PXDNL: variants seen among roughly 807,000 people sequenced by gnomAD.
PXDNL encodes the protein peroxidasin like, also known as probable oxidoreductase PXDNL.
In PXDNL, 145 loss-of-function variants were observed where a neutral mutation model predicts 150.8. The ratio of observed to expected loss-of-function variants is 0.96; its 90% CI spans 0.84 to 1.10. PXDNL has a LOEUF of 1.10. PXDNL is among the 50% of genes least tolerant of loss of function. The probability of loss-of-function intolerance (pLI) is 0.00; values close to 1 mark genes in which losing one functional copy is unlikely to be tolerated. For missense variants in PXDNL, 2,087 were observed against 1,873.9 expected (o/e 1.11, Z -2.10); for synonymous variants, 757 against 725.7 (o/e 1.04, Z -0.69).
chr8:51,672,141 T>C (rs1386724810), intron 1 of PXDNL, among the ~76,000 whole-genome samples: 2 of 151,948 alleles, frequency 1.3e-5, no homozygotes, highest in African/African-American at 2.4e-5. Flanking sequence ...ACCACCACAC[T>C]CAGCTAATTT....
chr8:51,392,955 CACTT>C (rs757162583), intron 17 of PXDNL, among the ~76,000 whole-genome samples: 1 of 152,132 alleles, frequency 6.6e-6, no homozygotes, highest in Non-Finnish European at 1.5e-5. Context: ...GGAGTAGTCT[CACTT>C]ACAGCCATTT....
At chr8:51,335,944 A>G (rs1387505885) in intron 21 of PXDNL, among the ~76,000 whole-genome samples, 1 of 152,176 alleles carries the variant, frequency 6.6e-6, no homozygotes, top group Non-Finnish European at 1.5e-5. Flanking sequence ...TGATAAATCA[A>G]GACCAAAAAT....
At chr8:51,740,792 G>T (rs1170054914) in intron 1 of PXDNL, among the ~76,000 whole-genome samples, 1 of 151,950 alleles carries the variant, frequency 6.6e-6, no homozygotes, top group African/African-American at 2.4e-5. Flanking sequence ...AACCAGTCTT[G>T]CATCCCGGTG....
At chr8:51,792,530 C>T (rs146879268) in intron 1 of PXDNL, among the ~76,000 whole-genome samples, 7 of 152,332 alleles carry the variant, frequency 4.6e-5, no homozygotes, top group African/African-American at 1.7e-4. Flanking sequence ...ACCGAATTCC[C>T]GGCAGGAGAG....
At chr8:51,696,835 A>G in intron 1 of PXDNL, among the ~76,000 whole-genome samples, 1 of 136 alleles carries the variant, frequency 7.4e-3, no homozygotes, top group African/African-American at 0.026. Context: ...ACACACACAC[A>G]CACAGGTCCT....
intron 15 of PXDNL, among the ~76,000 whole-genome samples, chr8:51,412,775 T>G (rs1292030347): frequency 6.6e-6 from 1 of 152,198 alleles, no homozygotes; most frequent in Non-Finnish European, 1.5e-5. Flanking sequence ...ACATAATGTT[T>G]GTCGTAGGCT....
chr8:51,803,342 C>T (rs181959032), intron 1 of PXDNL, among the ~76,000 whole-genome samples: 1 of 152,292 alleles, frequency 6.6e-6, no homozygotes, highest in African/African-American at 2.4e-5. Flanking sequence ...TCACATCCTT[C>T]CTCTTCCCAC....
intron 4 of PXDNL, among the ~76,000 whole-genome samples, chr8:51,513,677 GGCAT>G (rs1443179532): frequency 6.6e-6 from 1 of 152,006 alleles, no homozygotes; most frequent in Non-Finnish European, 1.5e-5. Context: ...GATTAGTATT[GGCAT>G]GCATGCATGC....
chr8:51,710,122 C>T (rs1342208070), intron 1 of PXDNL, among the ~76,000 whole-genome samples: 8 of 152,192 alleles, frequency 5.3e-5, no homozygotes, highest in Non-Finnish European at 8.8e-5. Context: ...TTTGTCTGCT[C>T]TGCTAATCCC....
At chr8:51,620,989 C>A (rs1814238923) in intron 2 of PXDNL, among the ~76,000 whole-genome samples, 1 of 152,110 alleles carries the variant, frequency 6.6e-6, no homozygotes, top group Non-Finnish European at 1.5e-5. Flanking sequence ...ATGTTGTTTG[C>A]CCTTTAAGAG....
chr8:51,409,135 C>CACGGCTGT lies in PXDNL; in HGVS notation c.2488_2489insACAGCCGT (p.Arg830HisfsTer19). 5 of 1,604,618 alleles carry CACGGCTGT rather than the reference C, an allele frequency of 3.1e-6. No homozygotes were observed. The highest frequency in any genetic ancestry group is 4.2e-6 in the Non-Finnish European group (5 of 1,178,622). On this transcript the variant is annotated frameshift_variant, in exon 17 of 23. Transcript: ENST00000356297. LOFTEE classifies it high-confidence loss of function. ...GTTGGTGCAGACGGAGCTGCACGGCCGCCCATCCGAGAAGCGGGCTGTGCT... is the reference window on the plus strand; with the variant it reads ...GTTGGTGCAGACGGAGCTGCACGGCCACGGCTGTGCCCATCCGAGAAGCGGGCTGTGCT...
chr8:51,506,500 C>T (rs903799832), intron 4 of PXDNL, among the ~76,000 whole-genome samples: 23 of 144,228 alleles, frequency 1.6e-4, no homozygotes, highest in Non-Finnish European at 2.5e-4. Context: ...GAGATCGCAC[C>T]ACTGCACTCC....
intron 14 of PXDNL, among the ~76,000 whole-genome samples, chr8:51,414,510 G>T (rs1808742081): frequency 1.3e-5 from 2 of 151,196 alleles, no homozygotes; most frequent in Admixed American, 1.3e-4. Flanking sequence ...GAGTAAGTAG[G>T]GTGGCTCCAC....
chr8:51,556,771 G>T, intron 4 of PXDNL, 69 bp downstream of exon 4: 1 of 809,546 alleles, frequency 1.2e-6, no homozygotes, highest in South Asian at 1.4e-5. Context: ...ATCACATAAT[G>T]GCATTTAAAA....
intron 1 of PXDNL, among the ~76,000 whole-genome samples, chr8:51,791,283 A>C (rs949298397): frequency 3.9e-5 from 6 of 152,232 alleles, no homozygotes; most frequent in Non-Finnish European, 1.5e-5. Flanking sequence ...AGACCGGTAG[A>C]TCATGTGGTC....
intron 17 of PXDNL, among the ~76,000 whole-genome samples, chr8:51,404,067 C>T (rs1239464446): frequency 3.3e-5 from 5 of 152,162 alleles, no homozygotes; most frequent in Non-Finnish European, 5.9e-5. Context: ...CCTGTCTGGG[C>T]TTGTTCATTC....
chr8:51,543,452 A>G (rs1812267006), intron 4 of PXDNL, among the ~76,000 whole-genome samples: 1 of 152,190 alleles, frequency 6.6e-6, no homozygotes, highest in Non-Finnish European at 1.5e-5. Flanking sequence ...TATATACTGA[A>G]GAGGAAATGT....
intron 5 of PXDNL, among the ~76,000 whole-genome samples, chr8:51,494,188 T>C (rs1431933817): frequency 1.3e-5 from 2 of 152,078 alleles, no homozygotes; most frequent in East Asian, 1.9e-4. Context: ...CTAAGCTTCA[T>C]AACTGAAGGA....
intron 12 of PXDNL, among the ~76,000 whole-genome samples, chr8:51,442,216 T>C (rs1039698434): frequency 1.3e-5 from 2 of 151,444 alleles, no homozygotes; most frequent in East Asian, 1.9e-4. Context: ...TGGAACAAAT[T>C]TGTGGGTTAC....
Sources: allele counts gnomAD v4.1 joint callset (sites outside exome capture counted in the v4.1 genomes callset), GRCh38; gene constraint gnomAD v4.1.1; transcripts MANE v1.5; gene names NCBI Gene and HGNC (gene_info 2026-07-23, HGNC 2026-07-21).